The following SLC5A12 variants were observed in gnomAD, a reference collection of about 807,000 sequenced individuals.
SLC5A12 encodes sodium-coupled monocarboxylate transporter 2.
In SLC5A12, 46 loss-of-function variants were observed where a neutral mutation model predicts 72.7. The observed-to-expected ratio is 0.63, with a 90% CI of 0.50 to 0.81. The LOEUF is 0.81. Among genes scored for constraint, SLC5A12 ranks in the 30% least tolerant of loss-of-function variants. SLC5A12 has a pLI of 0.00. For missense variants in SLC5A12, 683 were observed against 740.7 expected (o/e 0.92, Z 0.90); for synonymous variants, 275 against 264.4 (o/e 1.04, Z -0.39).
At chr11:26,676,209 G>T (rs1013457922) in intron 13 of SLC5A12, among the ~76,000 whole-genome samples, 1 of 152,038 alleles carries the variant, frequency 6.6e-6, no homozygotes, top group African/African-American at 2.4e-5. Context: ...CTAATACAAA[G>T]ATTACTTTTT....
At chr11:26,694,672 T>G (rs1228635624) in intron 8 of SLC5A12, among the ~76,000 whole-genome samples, 1 of 152,178 alleles carries the variant, frequency 6.6e-6, no homozygotes, top group Admixed American at 6.6e-5. Flanking sequence ...TCAAGGATAT[T>G]GCTATTTTGG....
At chr11:26,672,884 C>T (rs1461506988) in intron 14 of SLC5A12, among the ~76,000 whole-genome samples, 2 of 152,218 alleles carry the variant, frequency 1.3e-5, no homozygotes, top group East Asian at 1.9e-4. Context: ...CCTTGCTTTA[C>T]GTTTATATCC....
rs1201285554 is a variant in SLC5A12, at chr11:26,668,006, A to G, written c.*3096T>C. On this transcript the variant is annotated 3_prime_UTR_variant, in exon 15 of 15. Coordinates refer to ENST00000396005, the MANE Select transcript of SLC5A12 (RefSeq NM_178498.4). ...AGTCACACTGTGCTAAGCACTTTAT[A>G]TGATTTACTTATATAAATCTTCATA... The G allele has an allele frequency of 6.6e-6, 1 of 152,086 alleles. No homozygotes were observed. The highest frequency in any genetic ancestry group is 2.4e-5 in the African/African-American group (1 of 41,440). 9.4% of individuals were successfully genotyped at this position (152,086 alleles called of 1,614,324 possible). A position where few individuals can be genotyped will look rare whatever the true frequency, so the allele number is the denominator to read the frequency against.
chr11:26,709,264 C>T lies in SLC5A12; in HGVS notation c.525+48G>A, dbSNP rs1285624173. On this transcript the variant is annotated intron_variant, in intron 4 of 14. Coordinates refer to ENST00000396005, the MANE Select transcript of SLC5A12 (RefSeq NM_178498.4). ...CTATTGCTGGAGATTTGCCCTTATCCCATATTAGGAGGTAGTGTTAAATAC... is the reference window on the plus strand; with the variant it reads ...CTATTGCTGGAGATTTGCCCTTATCTCATATTAGGAGGTAGTGTTAAATAC... 13 of 1,386,062 alleles carry T rather than the reference C, an allele frequency of 9.4e-6. No homozygotes were observed. The Admixed American group carries it at 1.8e-4, about 20-fold the overall frequency. 85.9% of individuals were successfully genotyped at this position (1,386,062 alleles called of 1,614,324 possible).
intron 4 of SLC5A12, 55 bp from the exon 5 acceptor site, chr11:26,704,002 C>G: frequency 6.3e-7 from 1 of 1,590,460 alleles, no homozygotes; most frequent in Non-Finnish European, 8.6e-7. Flanking sequence ...ACTGTACTGG[C>G]TCTGCAAAGC....
chr11:26,680,327 T>A (rs549908490), intron 12 of SLC5A12, among the ~76,000 whole-genome samples: 3 of 131,950 alleles, frequency 2.3e-5, no homozygotes, highest in East Asian at 2.1e-4. Context: ...GTATATATAT[T>A]CATATATATA....
intron 2 of SLC5A12, among the ~76,000 whole-genome samples, chr11:26,711,840 T>G (rs1241213728): frequency 6.6e-6 from 1 of 152,096 alleles, no homozygotes; most frequent in African/African-American, 2.4e-5. Flanking sequence ...ACAACATGGT[T>G]GATCTCCATA....
chr11:26,690,775 C>T (rs906368776), intron 9 of SLC5A12, among the ~76,000 whole-genome samples: 2 of 144,808 alleles, frequency 1.4e-5, no homozygotes, highest in African/African-American at 5.2e-5. Context: ...CCATGGCCAA[C>T]AAGAGTGAAA....
At chr11:26,708,570 T>A (rs145818747) in intron 4 of SLC5A12, among the ~76,000 whole-genome samples, 1 of 152,160 alleles carries the variant, frequency 6.6e-6, no homozygotes, top group Non-Finnish European at 1.5e-5. Context: ...TATTTTTATC[T>A]ATAGTGAAGG....
chr11:26,679,935 A>T (rs1429050028), intron 12 of SLC5A12, among the ~76,000 whole-genome samples: 1 of 152,022 alleles, frequency 6.6e-6, no homozygotes, highest in African/African-American at 2.4e-5. Context: ...GAGATAGAAA[A>T]ATGGAGGAAA....
chr11:26,695,894 T>G (rs1854798315), intron 8 of SLC5A12, among the ~76,000 whole-genome samples: 1 of 152,192 alleles, frequency 6.6e-6, no homozygotes, highest in Non-Finnish European at 1.5e-5. Flanking sequence ...CCTGTGTTCC[T>G]CAAACACTCC....
At chr11:26,714,059 C>T (rs190608493) in intron 1 of SLC5A12, among the ~76,000 whole-genome samples, 20 of 151,786 alleles carry the variant, frequency 1.3e-4, no homozygotes, top group Admixed American at 1.3e-3. Context: ...ACAATTTTCT[C>T]ACCTCAAAAT....
intron 1 of SLC5A12, among the ~76,000 whole-genome samples, chr11:26,719,640 C>A (rs1276917860): frequency 6.6e-6 from 1 of 152,186 alleles, no homozygotes; most frequent in Non-Finnish European, 1.5e-5. Flanking sequence ...GCCTTTGCAT[C>A]TGTGACTACT....
At position 26,678,655 on chromosome 11, in the gene SLC5A12, C is replaced by T; in HGVS notation, c.1579+57G>A. On this transcript the variant is annotated intron_variant, in intron 13 of 14. Transcript: ENST00000396005. ...GCAATAAGACAGACAGCCAGTCCACCAATGCATGCATGAGCCCATATCTTC... is the reference window on the plus strand; with the variant it reads ...GCAATAAGACAGACAGCCAGTCCACTAATGCATGCATGAGCCCATATCTTC... The T allele has an allele frequency of 8.0e-6, 10 of 1,245,142 alleles. No homozygotes were observed. The South Asian group carries it at 1.3e-4, about 16-fold the overall frequency. The allele number at this position is 1,245,142 out of a possible 1,614,324, so 77.1% of individuals were successfully genotyped here. A position where few individuals can be genotyped will look rare whatever the true frequency, so the allele number is the denominator to read the frequency against.
Position 26,671,151 on chromosome 11 carries a change from G to A in SLC5A12, c.1808C>T (p.Pro603Leu), listed in dbSNP as rs771466834. 72 of 1,612,446 alleles carry A rather than the reference G, an allele frequency of 4.5e-5. No homozygotes were observed. Among genetic ancestry groups the A allele is most frequent in the Admixed American group, 1.2e-4 (7 of 59,836 alleles). The stretch of plus-strand genomic sequence containing the variant: ...CATATTGTTGTAGCTTTTGTCCTTA[G>A]GATCATAGCCTGGAACATGTACCAG... ...ESLVHVPGYD[P>L]KDKSYNNMAF... The change falls in exon 15 of 15, where the codon CCT becomes CTT. Residue 603 changes from proline (P) to leucine (L), a missense_variant. By Grantham distance (98) the Pro-to-Leu change is moderately conservative. Coordinates refer to ENST00000396005, the MANE Select transcript of SLC5A12 (RefSeq NM_178498.4).
At chr11:26,706,029 T>C (rs998865823) in intron 4 of SLC5A12, among the ~76,000 whole-genome samples, 3 of 151,622 alleles carry the variant, frequency 2.0e-5, no homozygotes, top group Admixed American at 6.6e-5. Context: ...ACATATTTAA[T>C]CAAACTGCCT....
intron 7 of SLC5A12, among the ~76,000 whole-genome samples, chr11:26,698,109 A>C (rs1283315598): frequency 6.6e-6 from 1 of 151,726 alleles, no homozygotes; most frequent in African/African-American, 2.4e-5. Flanking sequence ...TGTTGGCCAG[A>C]CTGGTCTCGA....
intron 14 of SLC5A12, 130 bp from the exon 15 acceptor site, chr11:26,671,381 G>T: frequency 1.5e-6 from 1 of 645,856 alleles, no homozygotes; most frequent in Non-Finnish European, 2.5e-6. Context: ...AAACAACTCT[G>T]ACCTAAGACA....
chr11:26,677,002 C>T (rs1217372935), intron 13 of SLC5A12, among the ~76,000 whole-genome samples: 1 of 152,160 alleles, frequency 6.6e-6, no homozygotes, highest in African/African-American at 2.4e-5. Context: ...CCCTATTCTA[C>T]ATTTAAACAT....
Sources: gnomAD v4.1 joint callset for allele counts (sites outside exome capture counted in the v4.1 genomes callset) on GRCh38, gnomAD v4.1.1 for gene constraint, MANE v1.5 for transcripts, NCBI Gene and HGNC (gene_info 2026-07-23, HGNC 2026-07-21) for gene names.